Variants in TMF1 observed in about 807,000 individuals in gnomAD.
TMF1 encodes the protein TATA element modulatory factor 1, also known as TATA element modulatory factor.
TMF1 carries 71 observed loss-of-function variants against 126.5 expected under a neutral mutation model. That is an observed-to-expected ratio of 0.56 (90% CI 0.46 to 0.68). The LOEUF (loss-of-function observed/expected upper bound fraction) is 0.68, where lower values mean the gene tolerates loss of function less well. Among genes scored for constraint, TMF1 ranks in the 30% least tolerant of loss-of-function variants. The pLI, the probability that TMF1 is intolerant of heterozygous loss-of-function variation, is 0.00. For synonymous variants in TMF1, 461 were observed against 430.5 expected, an observed-to-expected ratio of 1.07 and a Z score of -0.88; for missense variants, 1,259 against 1,253.2, an observed-to-expected ratio of 1.00 and a Z score of -0.07.
In TMF1 at chr3:69,023,148, C is replaced by G. The variant is rs1277743696; in HGVS notation, c.*29G>C. ...TGTTTAGATATTAAATGCTTACATT[C>G]AGTTTGATGGGAATTCAATTTTCAC... On this transcript the variant is annotated 3_prime_UTR_variant, in exon 17 of 17. Transcript: ENST00000398559. 2 of 1,586,558 alleles carry G rather than the reference C, an allele frequency of 1.3e-6. No homozygotes were observed. The highest frequency in any genetic ancestry group is 1.7e-5 in the Admixed American group (1 of 57,698).
Position 69,048,031 on chromosome 3 carries a change from A to C in TMF1, c.674T>G (p.Ile225Arg), listed in dbSNP as rs1162377320. 3 of 1,613,876 alleles carry C rather than the reference A, an allele frequency of 1.9e-6. No homozygotes were observed. Among genetic ancestry groups the C allele is most frequent in the Non-Finnish European group, 2.5e-6 (3 of 1,180,026 alleles). ...TTTTTGTTCCTTAGGTTCCAAAGCT[A>C]TGTCCTTTGTTTCTGCTGTGAGAGA... ...TQSLTAETKDIALEPKEQKHE... is the reference protein window; with the variant it reads ...TQSLTAETKDRALEPKEQKHE... The change falls in exon 2 of 17, where the codon ATA (isoleucine) becomes AGA (arginine). Residue 225 changes from isoleucine (I) to arginine (R), a missense_variant. Ile to Arg is a moderately conservative substitution (Grantham distance 97). Transcript: ENST00000398559.
intron 1 of TMF1, among the ~76,000 whole-genome samples, chr3:69,049,704 G>A (rs1260797882): frequency 1.3e-5 from 2 of 152,068 alleles, no homozygotes. Context: ...TGTTTTCTTG[G>A]GGAAAAAGTT....
At chr3:69,033,110 T>C (rs781775711) in intron 10 of TMF1, among the ~76,000 whole-genome samples, 4 of 151,710 alleles carry the variant, frequency 2.6e-5, no homozygotes, top group African/African-American at 4.8e-5. Context: ...AGCAGTCTAC[T>C]AAAAATACAA....
At chr3:69,040,523 GA>G (rs755125523) in intron 5 of TMF1, 9 of 152,342 alleles carry the variant, frequency 5.9e-5, no homozygotes, top group South Asian at 2.1e-4. Context: ...GAAAGATATG[GA>G]AGAGTTGTGG....
intron 15 of TMF1, chr3:69,024,802 CTTTTTTTT>C (rs71112685): frequency 2.0e-5 from 2 of 99,942 alleles, no homozygotes; most frequent in African/African-American, 3.9e-5. Context: ...TTTCAAATTT[CTTTTTTTT>C]TTTTTTTTTT....
In TMF1 at chr3:69,044,584, A is replaced by C; in HGVS notation, c.1359T>G (p.Phe453Leu). The C allele has an allele frequency of 6.2e-7, 1 of 1,606,802 alleles. No homozygotes were observed. The highest frequency in any genetic ancestry group is 1.7e-5 in the Admixed American group (1 of 58,422). The change falls in exon 3 of 17, where the codon TTT becomes TTG. Residue 453 changes from phenylalanine to leucine, a missense_variant. Physicochemically the swap from Phe to Leu is conservative, Grantham distance 22. Coordinates refer to ENST00000398559, the MANE Select transcript of TMF1 (RefSeq NM_007114.3). The stretch of plus-strand genomic sequence containing the variant: ...CCCTTTTTTCCAGCTTTTCATTCAG[A>C]AATTCAACTGTCTGGATAAGGCGAA... ...EKEDVCKTVE[F>L]LNEKLEKREA... is the part of the protein sequence containing the mutation.
At chr3:69,029,568 C>T (rs1486141839) in intron 11 of TMF1, among the ~76,000 whole-genome samples, 5 of 151,878 alleles carry the variant, frequency 3.3e-5, no homozygotes, top group Non-Finnish European at 5.9e-5. Context: ...CCTCAGCCTC[C>T]GAGCTGCTGG....
At chr3:69,030,439 T>C (rs2091792986) in intron 10 of TMF1, 1 of 152,898 alleles carries the variant, frequency 6.5e-6, no homozygotes, top group Non-Finnish European at 1.5e-5. Flanking sequence ...ACAAGGCAGA[T>C]TTGACACAAA....
chr3:69,023,746 G>A (rs1383681200), intron 16 of TMF1, among the ~76,000 whole-genome samples: 1 of 152,094 alleles, frequency 6.6e-6, no homozygotes, highest in Non-Finnish European at 1.5e-5. Flanking sequence ...AGACAATTGT[G>A]ATGATACATA....
intron 8 of TMF1, among the ~76,000 whole-genome samples, chr3:69,037,486 A>C (rs1249271888): frequency 9.9e-5 from 15 of 151,998 alleles, no homozygotes; most frequent in East Asian, 1.9e-4. Flanking sequence ...CTAAAAAAAA[A>C]CAAAAATTAG....
chr3:69,046,793 C>T (rs568034133), intron 2 of TMF1, among the ~76,000 whole-genome samples: 1 of 152,130 alleles, frequency 6.6e-6, no homozygotes, highest in East Asian at 1.9e-4. Context: ...AATAGGAGAT[C>T]TCAAAAATAA....
At position 69,044,555 on chromosome 3, in the gene TMF1, G is replaced by A; in HGVS notation, c.1388C>T (p.Ala463Val). The A allele has an allele frequency of 6.2e-7, 1 of 1,609,534 alleles. No homozygotes were observed. Among genetic ancestry groups the A allele is most frequent in the Non-Finnish European group, 8.5e-7 (1 of 1,178,764 alleles). ...FLNEKLEKREAQLLSLSKEKA... is the reference protein window; with the variant it reads ...FLNEKLEKREVQLLSLSKEKA... ...TTCCTTACTAAGAGATAATAACTGA[G>A]CCTCCCTTTTTTCCAGCTTTTCATT... The change falls in exon 3 of 17, where the codon GCT becomes GTT. Residue 463 changes from alanine (A) to valine (V), a missense_variant. Transcript: ENST00000398559.
intron 5 of TMF1, among the ~76,000 whole-genome samples, chr3:69,040,696 C>T (rs57789461): frequency 0.26 from 40,024 of 151,908 alleles, 5,448 homozygotes; most frequent in East Asian, 0.43. Flanking sequence ...GGGAAGCAGG[C>T]GGATCACCAG....
At chr3:69,041,220 C>T (rs2091862791) in intron 5 of TMF1, among the ~76,000 whole-genome samples, 2 of 152,294 alleles carry the variant, frequency 1.3e-5, no homozygotes, top group South Asian at 4.1e-4. Flanking sequence ...GACTTCAAGA[C>T]ATCTTGAGAA....
rs754937454 is a variant in TMF1 at position 69,020,008 on chromosome 3, A to C, written c.*3169T>G. ...TGGAAAATTGGATTCACTTTAATGA[A>C]AATGAAAAATTTTGATACACTAGAA... On this transcript the variant is annotated 3_prime_UTR_variant, in exon 17 of 17. Transcript: ENST00000398559. 6.6e-6 allele frequency: 1 copy of C among 152,118 alleles called. No homozygotes were observed. The highest frequency in any genetic ancestry group is 1.5e-5 in the Non-Finnish European group (1 of 68,000). The allele number at this position is 152,118 out of a possible 1,614,324, so 9.4% of individuals were successfully genotyped here.
At chr3:69,024,797 A>ATTTTTTTT (rs1308140432) in intron 15 of TMF1, 1 of 131,206 alleles carries the variant, frequency 7.6e-6, no homozygotes, top group African/African-American at 2.9e-5. Flanking sequence ...GAATGTTTCA[A>ATTTTTTTT]ATTTCTTTTT....
Position 69,030,017 on chromosome 3 carries a change from G to A in TMF1, c.2402-10C>T, listed in dbSNP as rs1262342392. 5.0e-6 allele frequency: 8 copies of A among 1,592,420 alleles called. No homozygotes were observed. In the Admixed American group the frequency reaches 5.5e-5, roughly 11 times the overall value. ...AAGGTCTGGGATTCACCTGATTACA[G>A]GACAGAAAAAAAAATCACATACACA... On this transcript the variant is annotated splice_polypyrimidine_tract_variant and intron_variant, in intron 10 of 16. Transcript: ENST00000398559.
At chr3:69,041,413 T>A (rs59157330) in intron 5 of TMF1, among the ~76,000 whole-genome samples, 40,367 of 152,040 alleles carry the variant, frequency 0.27, 5,550 homozygotes, top group East Asian at 0.43. Flanking sequence ...ATTAGTTGAA[T>A]AAATGAAAAA....
At chr3:69,029,101 C>A (rs904604971) in intron 11 of TMF1, among the ~76,000 whole-genome samples, 6 of 150,828 alleles carry the variant, frequency 4.0e-5, no homozygotes, top group Non-Finnish European at 5.9e-5. Context: ...TGCAATGGTG[C>A]AATCTCACTG....
Sources: allele counts gnomAD v4.1 joint callset (sites outside exome capture counted in the v4.1 genomes callset), GRCh38; gene constraint gnomAD v4.1.1; transcripts MANE v1.5; gene names NCBI Gene and HGNC (gene_info 2026-07-23, HGNC 2026-07-21).